IMMP1L: variants seen among roughly 807,000 people sequenced by gnomAD.
IMMP1L encodes the protein inner mitochondrial membrane peptidase subunit 1, also known as mitochondrial inner membrane protease subunit 1.
IMMP1L carries 24 observed loss-of-function variants against 21.8 expected under a neutral mutation model. The ratio of observed to expected loss-of-function variants is 1.10; its 90% CI spans 0.80 to 1.55. The LOEUF (loss-of-function observed/expected upper bound fraction) is 1.55, where lower values mean the gene tolerates loss of function less well. IMMP1L is among the 40% of genes most tolerant of loss of function. The pLI, the probability that IMMP1L is intolerant of heterozygous loss-of-function variation, is 0.00. For missense variants in IMMP1L, 195 were observed against 200.7 expected, an observed-to-expected ratio of 0.97 and a Z score of 0.17; for synonymous variants, 46 against 62.8, an observed-to-expected ratio of 0.73 and a Z score of 1.26.
chr11:31,504,131 T>C (rs920916064), intron 1 of IMMP1L, among the ~76,000 whole-genome samples: 1 of 151,908 alleles, frequency 6.6e-6, no homozygotes, highest in Non-Finnish European at 1.5e-5. Context: ...TCAATGGTTT[T>C]AGGAAAAAAA....
chr11:31,457,699 A>C (rs1234195481), intron 3 of IMMP1L, among the ~76,000 whole-genome samples: 2 of 152,158 alleles, frequency 1.3e-5, no homozygotes, highest in Admixed American at 1.3e-4. Flanking sequence ...GGGAGGTAAG[A>C]CAAAATTTTC....
At chr11:31,468,695 A>G (rs931155173) in intron 1 of IMMP1L, among the ~76,000 whole-genome samples, 5 of 152,194 alleles carry the variant, frequency 3.3e-5, no homozygotes, top group African/African-American at 4.8e-5. Context: ...AGTGGGGCAG[A>G]TATCATAGAT....
chr11:31,499,553 T>C lies in IMMP1L; in HGVS notation c.-30+9966A>G, dbSNP rs145502297. Among the ~76,000 whole-genome samples the C allele has an allele frequency of 3.0e-3, 464 of 152,264 alleles. 2 individuals are homozygous for C. The highest frequency in any genetic ancestry group is 0.01 in the African/African-American group (427 of 41,564). ...TGGATGGAGCGAATGACAGTCCAGA[T>C]ATGGTTAGCAAATTATAGTTCACAG... On this transcript the variant is annotated intron_variant, in intron 1 of 5. Coordinates refer to ENST00000532287, the MANE Select transcript of IMMP1L (RefSeq NM_001304274.2).
intron 5 of IMMP1L, 87 bp from the exon 6 acceptor site, chr11:31,432,655 T>G (rs1952948714): frequency 1.2e-6 from 1 of 869,012 alleles, no homozygotes; most frequent in Non-Finnish European, 1.9e-6. Flanking sequence ...GTCCCTTTTC[T>G]CTATGCCAGA....
At chr11:31,443,656 CACTG>C (rs1374399102) in intron 4 of IMMP1L, among the ~76,000 whole-genome samples, 3 of 152,152 alleles carry the variant, frequency 2.0e-5, no homozygotes, top group African/African-American at 7.2e-5. Flanking sequence ...ATAGTTAATA[CACTG>C]ACTATTTTAA....
chr11:31,463,031 T>G, intron 2 of IMMP1L, 141 bp downstream of exon 2: 3 of 635,408 alleles, frequency 4.7e-6, no homozygotes, highest in Non-Finnish European at 7.9e-6. Context: ...ATTCCAATAT[T>G]TAGAAAGATT....
intron 4 of IMMP1L, among the ~76,000 whole-genome samples, chr11:31,440,400 T>C (rs1383231832): frequency 6.6e-6 from 1 of 152,160 alleles, no homozygotes; most frequent in East Asian, 1.9e-4. Flanking sequence ...AAAAAACTTT[T>C]TTTTCTTTGA....
intron 1 of IMMP1L, among the ~76,000 whole-genome samples, chr11:31,488,419 A>G (rs1465570497): frequency 2.6e-5 from 4 of 152,206 alleles, no homozygotes; most frequent in Non-Finnish European, 4.4e-5. Flanking sequence ...ACTTAAAAAA[A>G]CAGACAATAT....
intron 4 of IMMP1L, among the ~76,000 whole-genome samples, chr11:31,453,844 A>G (rs1436623989): frequency 6.6e-6 from 1 of 152,216 alleles, no homozygotes; most frequent in Non-Finnish European, 1.5e-5. Flanking sequence ...TAAAGTAAGT[A>G]TAATTTGATG....
intron 3 of IMMP1L, among the ~76,000 whole-genome samples, chr11:31,460,346 A>G (rs187727602): frequency 3.9e-5 from 6 of 152,294 alleles, no homozygotes; most frequent in Non-Finnish European, 5.9e-5. Context: ...CTAAAGCCCA[A>G]TTAAAAAAGT....
Position 31,460,079 on chromosome 11 carries a change from C to A in IMMP1L, c.194+547G>T, listed in dbSNP as rs561172550. Among the ~76,000 whole-genome samples the A allele has an allele frequency of 1.6e-4, 25 of 152,052 alleles. No individual in the cohort carries two copies. In the East Asian group the frequency reaches 4.7e-3, roughly 28 times the overall value. ...AGACTAAGGGGAAGGATCACTGGAG[C>A]CCAGGAGGTTGAGGCTGCAGGGAGC... On this transcript the variant is annotated intron_variant, in intron 3 of 5. Transcript: ENST00000532287.
At chr11:31,482,324 G>T (rs564385547) in intron 1 of IMMP1L, among the ~76,000 whole-genome samples, 1 of 151,956 alleles carries the variant, frequency 6.6e-6, no homozygotes, top group Admixed American at 6.6e-5. Flanking sequence ...TCTTAAACAA[G>T]AATTAAAAAG....
At chr11:31,481,517 G>C (rs1399071147) in intron 1 of IMMP1L, among the ~76,000 whole-genome samples, 1 of 151,602 alleles carries the variant, frequency 6.6e-6, no homozygotes, top group African/African-American at 2.4e-5. Flanking sequence ...ACTTTCATTA[G>C]GAAATATAAA....
At chr11:31,501,244 T>G (rs1955608523) in intron 1 of IMMP1L, among the ~76,000 whole-genome samples, 1 of 152,212 alleles carries the variant, frequency 6.6e-6, no homozygotes, top group African/African-American at 2.4e-5. Context: ...AAAACATACC[T>G]AAGTGCTACA....
At chr11:31,447,803 A>G (rs1184166121) in intron 4 of IMMP1L, among the ~76,000 whole-genome samples, 1 of 151,758 alleles carries the variant, frequency 6.6e-6, no homozygotes, top group African/African-American at 2.4e-5. Flanking sequence ...TTTTGTATCT[A>G]TTTTTCCTTT....
intron 4 of IMMP1L, among the ~76,000 whole-genome samples, chr11:31,454,363 G>A (rs964793318): frequency 2.7e-5 from 4 of 148,676 alleles, no homozygotes; most frequent in Non-Finnish European, 5.9e-5. Context: ...GATGTGGGAG[G>A]AGCATCTGAG....
At chr11:31,465,929 C>T (rs557757174) in intron 1 of IMMP1L, among the ~76,000 whole-genome samples, 33 of 151,810 alleles carry the variant, frequency 2.2e-4, no homozygotes, top group African/African-American at 3.6e-4. Flanking sequence ...AATAGACAAA[C>T]GGATTTAAAC....
intron 1 of IMMP1L, among the ~76,000 whole-genome samples, chr11:31,482,645 T>C (rs1954934955): frequency 6.6e-6 from 1 of 151,978 alleles, no homozygotes; most frequent in Admixed American, 6.6e-5. Flanking sequence ...ATCATTACGG[T>C]ACACTACTTT....
chr11:31,497,199 T>C (rs1458490318), intron 1 of IMMP1L, among the ~76,000 whole-genome samples: 1 of 151,576 alleles, frequency 6.6e-6, no homozygotes, highest in Non-Finnish European at 1.5e-5. Context: ...AACTCCATCA[T>C]AAGTCAAAGA....
Sources: gnomAD v4.1 joint callset for allele counts (sites outside exome capture counted in the v4.1 genomes callset) on GRCh38, gnomAD v4.1.1 for gene constraint, MANE v1.5 for transcripts, NCBI Gene and HGNC (gene_info 2026-07-23, HGNC 2026-07-21) for gene names.